The following CAPG variants were observed in gnomAD, a reference collection of about 807,000 sequenced individuals.
CAPG encodes the protein macrophage-capping protein.
Under a neutral mutation model 44.6 loss-of-function variants are expected in CAPG, and 32 were observed. The ratio of observed to expected loss-of-function variants is 0.72; its 90% CI spans 0.54 to 0.96. The LOEUF (loss-of-function observed/expected upper bound fraction) is 0.96, where lower values mean the gene tolerates loss of function less well. Ranked by LOEUF, CAPG falls within the 50% of genes least tolerant of loss-of-function variation. The pLI, the probability that CAPG is intolerant of heterozygous loss-of-function variation, is 0.00. For missense variants in CAPG, 412 were observed against 438.3 expected (o/e 0.94, Z 0.54); for synonymous variants, 175 against 179.6 (o/e 0.97, Z 0.20).
Position 85,395,661 on chromosome 2 carries a change from G to C in CAPG, c.893-35C>G. The C allele has an allele frequency of 6.7e-7, 1 of 1,501,980 alleles. No individual in the cohort carries two copies. Among genetic ancestry groups the C allele is most frequent in the South Asian group, 1.2e-5 (1 of 86,904 alleles). The allele number at this position is 1,501,980 out of a possible 1,614,324, so 93.0% of individuals were successfully genotyped here. A position where few individuals can be genotyped will look rare whatever the true frequency, so the allele number is the denominator to read the frequency against. On this transcript the variant is annotated intron_variant, in intron 8 of 9. Coordinates refer to ENST00000263867, the MANE Select transcript of CAPG (RefSeq NM_001747.4). This position sits in a 1 kb window ranked among gnomAD's most constrained non-coding sequence, Gnocchi z 4.3. The stretch of plus-strand genomic sequence containing the variant: ...AGGAAGGAGATTTTTAAAAAGAGCA[G>C]GGACCCTCTTTAGCTGCCATCCCAT...
At chr2:85,392,442 G>A (rs578190997), downstream of CAPG, among the ~76,000 whole-genome samples, 1 of 122,880 alleles carries the variant, frequency 8.1e-6, no homozygotes, top group Non-Finnish European at 1.8e-5. Flanking sequence ...GCTGGGGAGT[G>A]GGGGGCAGGT....
chr2:85,413,111 G>A (rs1408643071), upstream of CAPG: 3 of 152,230 alleles, frequency 2.0e-5, no homozygotes, highest in Admixed American at 2.0e-4. Context: ...GCGCTGGAAA[G>A]CTTCATAGAT....
Position 85,395,639 on chromosome 2 carries a change from A to G in CAPG, c.893-13T>C. 4 of 1,606,588 alleles carry G rather than the reference A, an allele frequency of 2.5e-6. No individual in the cohort carries two copies. The highest frequency in any genetic ancestry group is 3.4e-6 in the Non-Finnish European group (4 of 1,174,730). On this transcript the variant is annotated splice_polypyrimidine_tract_variant and intron_variant, in intron 8 of 9. Coordinates refer to ENST00000263867, the MANE Select transcript of CAPG (RefSeq NM_001747.4). This position sits in a 1 kb window ranked among gnomAD's most constrained non-coding sequence, Gnocchi z 4.3. The stretch of plus-strand genomic sequence containing the variant: ...TTCGCTTTTCGCCCTAGATCATAGG[A>G]AGGAGATTTTTAAAAAGAGCAGGGA...
In CAPG at chr2:85,394,975, G is replaced by A. The variant is rs373615604; in HGVS notation, c.982-17C>T. Reference sequence around the variant, plus strand: ...AATCTCCACCTGCAGGGACAGCGGGGGAGAAGTCTGGTTCACAAAGTTGCC... The same window carrying A: ...AATCTCCACCTGCAGGGACAGCGGGAGAGAAGTCTGGTTCACAAAGTTGCC... On this transcript the variant is annotated splice_polypyrimidine_tract_variant and intron_variant, in intron 9 of 9. Coordinates refer to ENST00000263867, the MANE Select transcript of CAPG (RefSeq NM_001747.4). 1.2e-4 allele frequency: 186 copies of A among 1,590,006 alleles called. No individual in the cohort carries two copies. Among genetic ancestry groups the A allele is most frequent in the Middle Eastern group, 1.7e-4 (1 of 6,056 alleles).
downstream of CAPG, among the ~76,000 whole-genome samples, chr2:85,392,406 A>AG (rs1046379598): frequency 6.1e-5 from 9 of 146,780 alleles, no homozygotes; most frequent in African/African-American, 2.2e-4. Context: ...AAAAAAAAAA[A>AG]AGAGCCTCCA....
intron 1 of CAPG, among the ~76,000 whole-genome samples, chr2:85,405,323 T>C (rs1687095710): frequency 6.6e-6 from 1 of 152,208 alleles, no homozygotes; most frequent in Admixed American, 6.5e-5. Context: ...AGGATTTCTT[T>C]TTTTGGCTCA....
chr2:85,396,960 A>T (rs1338971525), intron 8 of CAPG, among the ~76,000 whole-genome samples: 1 of 151,992 alleles, frequency 6.6e-6, no homozygotes, highest in Non-Finnish European at 1.5e-5. Flanking sequence ...ATTGCTGAAA[A>T]TTCTCAGACC....
intron 1 of CAPG, among the ~76,000 whole-genome samples, chr2:85,410,059 A>G (rs1376050013): frequency 4.6e-5 from 7 of 152,232 alleles, no homozygotes; most frequent in Non-Finnish European, 1.0e-4. Flanking sequence ...CAGCATGGGC[A>G]CAGCCCACCC....
chr2:85,395,729 A>G lies in CAPG; in HGVS notation c.893-103T>C. 1.3e-6 allele frequency: 1 copy of G among 752,744 alleles called. No individual in the cohort carries two copies. The highest frequency in any genetic ancestry group is 2.2e-6 in the Non-Finnish European group (1 of 444,546). 46.6% of individuals were successfully genotyped at this position (752,744 alleles called of 1,614,324 possible). The stretch of plus-strand genomic sequence containing the variant: ...AAGGGAGTCCACAGAAGAGCCAGCA[A>G]TTTTTACAATAAATGGACCAGGGGT... On this transcript the variant is annotated intron_variant, in intron 8 of 9. Coordinates refer to ENST00000263867, the MANE Select transcript of CAPG (RefSeq NM_001747.4). This position sits in a 1 kb window ranked among gnomAD's most constrained non-coding sequence, Gnocchi z 4.3.
At chr2:85,402,037 CTG>C in intron 2 of CAPG, 80 bp from the exon 3 acceptor site, 1 of 1,610,956 alleles carries the variant, frequency 6.2e-7, no homozygotes, top group African/African-American at 1.3e-5. Context: ...CGACTGCAGT[CTG>C]GGGATGAGGA....
At chr2:85,412,644 C>T (rs1250304759), upstream of CAPG, among the ~76,000 whole-genome samples, 1 of 152,014 alleles carries the variant, frequency 6.6e-6, no homozygotes, top group East Asian at 1.9e-4. Flanking sequence ...CAACAAAGCC[C>T]CATGACACGA....
intron 2 of CAPG, 64 bp from the exon 3 acceptor site, chr2:85,402,021 G>A: frequency 5.0e-6 from 8 of 1,611,158 alleles, no homozygotes; most frequent in Non-Finnish European, 5.9e-6. Context: ...CCCTGGGCAG[G>A]CCTGGCGACT....
intron 8 of CAPG, among the ~76,000 whole-genome samples, chr2:85,396,243 C>T (rs554094047): frequency 7.2e-5 from 11 of 152,192 alleles, no homozygotes; most frequent in South Asian, 2.1e-4. Flanking sequence ...TGGAGTGCAG[C>T]GGCACCAACA....
rs78416903 is a variant in CAPG, at chr2:85,417,941, T to C, written c.-14+326A>G. On this transcript the variant is annotated intron_variant, in intron 1 of 5. Coordinates refer to the CAPG transcript ENST00000409275. ...ACCCCCTCCCAAACTCGGTTTATTT[T>C]TGTCGTTAAAGCAGAGTTGTAGGCC... 6.7e-3 allele frequency among the ~76,000 whole-genome samples: 1,026 copies of C among 152,266 alleles called. 9 individuals are homozygous for C. Among genetic ancestry groups the C allele is most frequent in the African/African-American group, 0.024 (986 of 41,544 alleles).
Position 85,398,682 on chromosome 2 carries a change from G to C in CAPG, c.759+8C>G. 2 of 1,593,546 alleles carry C rather than the reference G, an allele frequency of 1.3e-6. No individual in the cohort carries two copies. Among genetic ancestry groups the C allele is most frequent in the Non-Finnish European group, 1.7e-6 (2 of 1,169,722 alleles). On this transcript the variant is annotated splice_region_variant and intron_variant, in intron 7 of 9. Coordinates refer to ENST00000263867, the MANE Select transcript of CAPG (RefSeq NM_001747.4). ...TGCCGGGTCCCAGGGCAGGCTTGGG[G>C]GGCCCACCTTATACAGAGCTGCGGC...
rs368956666 is a variant in CAPG, at chr2:85,398,265, A to G, written c.760-113T>C. On this transcript the variant is annotated intron_variant, in intron 7 of 9. Transcript: ENST00000263867. ...TCCCTCCCACTGTGCCTCGCTGCCC[A>G]CTGCCCAGGTCCCAGGAGCAGACAA... is the stretch of plus-strand genomic sequence containing the variant. 2.5e-5 allele frequency: 31 copies of G among 1,245,030 alleles called. No individual in the cohort carries two copies. In the East Asian group the frequency reaches 2.8e-4, roughly 11 times the overall value. The allele number at this position is 1,245,030 out of a possible 1,614,324, so 77.1% of individuals were successfully genotyped here.
Position 85,401,593 on chromosome 2 carries a change from C to T in CAPG, c.287G>A (p.Arg96His), listed in dbSNP as rs757065726. The T allele has an allele frequency of 1.4e-5, 23 of 1,614,014 alleles. No homozygotes were observed. The highest frequency in any genetic ancestry group is 1.1e-4 in the East Asian group (5 of 44,888). The change falls in exon 4 of 10, where the codon CGC (arginine) becomes CAC (histidine). Residue 96 changes from arginine (R) to histidine (H), a missense_variant. By Grantham distance (29) the Arg-to-His change is conservative. Coordinates refer to ENST00000263867, the MANE Select transcript of CAPG (RefSeq NM_001747.4). The part of the protein sequence containing the change: ...TLLGERPVQH[R>H]EVQGNESDLF... Reference sequence around the variant, plus strand: ...GTCAGACTCATTGCCCTGCACCTCGCGGTGCTGCACAGGCCGCTCTCCCAG... The same window carrying T: ...GTCAGACTCATTGCCCTGCACCTCGTGGTGCTGCACAGGCCGCTCTCCCAG...
chr2:85,396,339 C>T (rs1208325900), intron 8 of CAPG, among the ~76,000 whole-genome samples: 1 of 150,078 alleles, frequency 6.7e-6, no homozygotes. Flanking sequence ...GTGCACGCCA[C>T]CACACTCAGC....
chr2:85,416,603 C>G (rs185283808), intron 1 of CAPG, among the ~76,000 whole-genome samples: 62 of 152,328 alleles, frequency 4.1e-4, no homozygotes, highest in African/African-American at 1.4e-3. Flanking sequence ...CCTTCCCCCC[C>G]GCCGGTTCAA....
Sources: gnomAD v4.1 joint callset for allele counts (sites outside exome capture counted in the v4.1 genomes callset) on GRCh38, gnomAD v4.1.1 for gene constraint, Gnocchi (gnomAD v3.1) non-coding constraint, MANE v1.5 for transcripts, NCBI Gene and HGNC (gene_info 2026-07-23, HGNC 2026-07-21) for gene names.